Variants in RP1L1 observed in about 807,000 individuals in gnomAD.
RP1L1 encodes the protein retinitis pigmentosa 1-like 1 protein.
A neutral mutation model predicts 15.7 loss-of-function variants in RP1L1; 27 were observed. The ratio of observed to expected loss-of-function variants is 1.72; its 90% CI spans 1.27 to 2.38. The LOEUF (loss-of-function observed/expected upper bound fraction) is 2.38. RP1L1 is among the 30% of genes most tolerant of loss of function. RP1L1 has a pLI of 0.00. For missense variants in RP1L1, 4,798 were observed against 3,075.9 expected (o/e 1.56, Z -13.24); for synonymous variants, 1,813 against 1,276.7 (o/e 1.42, Z -8.96).
At chr8:10,648,354 G>T (rs1231441059) in intron 1 of RP1L1, among the ~76,000 whole-genome samples, 1 of 151,980 alleles carries the variant, frequency 6.6e-6, no homozygotes, top group Non-Finnish European at 1.5e-5. Context: ...TTTTTTGTTT[G>T]TTTGTTTGTT....
chr8:10,654,123 G>C (rs1563144168), intron 1 of RP1L1, among the ~76,000 whole-genome samples: 1 of 152,138 alleles, frequency 6.6e-6, no homozygotes, highest in Non-Finnish European at 1.5e-5. Context: ...CTGCTCACTT[G>C]CCGTTGGAAC....
In RP1L1 at chr8:10,606,834, G is replaced by C; in HGVS notation, c.*61C>G. On this transcript the variant is annotated 3_prime_UTR_variant, in exon 4 of 4. Transcript: ENST00000382483. ...GGACTGAACGTTGCTCAGTTTTGTAGAAAAAATATGAATAAAAACAGAGCT... is the reference window on the plus strand; with the variant it reads ...GGACTGAACGTTGCTCAGTTTTGTACAAAAAATATGAATAAAAACAGAGCT... 6.2e-7 allele frequency: 1 copy of C among 1,609,656 alleles called. No homozygotes were observed. Among genetic ancestry groups the C allele is most frequent in the Middle Eastern group, 1.9e-4 (1 of 5,306 alleles).
intron 1 of RP1L1, among the ~76,000 whole-genome samples, chr8:10,631,733 G>A (rs1397904368): frequency 6.6e-6 from 1 of 152,198 alleles, no homozygotes; most frequent in Non-Finnish European, 1.5e-5. Flanking sequence ...TGCCGCCCGA[G>A]CCTGTGGACA....
intron 1 of RP1L1, among the ~76,000 whole-genome samples, chr8:10,638,513 G>A (rs1009562577): frequency 6.6e-6 from 1 of 152,148 alleles, no homozygotes; most frequent in African/African-American, 2.4e-5. Flanking sequence ...GGAGGCTGAG[G>A]TGGGAGGATT....
Position 10,609,382 on chromosome 8 carries a change from G to A in RP1L1, c.4716C>T (p.Thr1572=), listed in dbSNP as rs747005460. The change falls in exon 4 of 4, where the codon ACC becomes ACT. Residue 1572 remains threonine (T), a synonymous_variant. Transcript: ENST00000382483. ...QDVAQRLQDS[T]KRELQKLQGR... Reference sequence around the variant, plus strand: ...CCTGGAGCTTCTGGAGCTCTCTCTTGGTGCTGTCCTGGAGGCGTTGGGCCA... The same window carrying A: ...CCTGGAGCTTCTGGAGCTCTCTCTTAGTGCTGTCCTGGAGGCGTTGGGCCA... 2.0e-5 allele frequency: 32 copies of A among 1,612,434 alleles called. No homozygotes were observed. Among genetic ancestry groups the A allele is most frequent in the South Asian group, 6.6e-5 (6 of 91,054 alleles).
Position 10,609,778 on chromosome 8 carries a change from C to T in RP1L1, c.4320G>A (p.Glu1440=). 1 of 1,614,022 alleles carries T rather than the reference C, an allele frequency of 6.2e-7. No individual in the cohort carries two copies. The highest frequency in any genetic ancestry group is 1.1e-5 in the South Asian group (1 of 91,082). ...CCTCTGTGCCCTCTGCGGGGCACGGCTCTGCAGAGGCAGAGGCTCTTCCTG... is the reference window on the plus strand; with the variant it reads ...CCTCTGTGCCCTCTGCGGGGCACGGTTCTGCAGAGGCAGAGGCTCTTCCTG... ...EEAGRASASA[E]PCPAEGTEEP... Residue 1440 remains glutamate, a synonymous_variant, in exon 4 of 4, where the codon GAG becomes GAA. Transcript: ENST00000382483.
intron 1 of RP1L1, among the ~76,000 whole-genome samples, chr8:10,634,442 G>C (rs550128714): frequency 6.6e-6 from 1 of 152,226 alleles, no homozygotes; most frequent in East Asian, 1.9e-4. Flanking sequence ...CCGGTTTTCC[G>C]TGATGTGACA....
chr8:10,638,317 A>G (rs1477010676), intron 1 of RP1L1, among the ~76,000 whole-genome samples: 2 of 152,190 alleles, frequency 1.3e-5, no homozygotes, highest in Non-Finnish European at 2.9e-5. Context: ...TTGATGATAA[A>G]AGTACAAACG....
In RP1L1 at chr8:10,606,853, C is replaced by G. The variant is rs1197624154; in HGVS notation, c.*42G>C. The G allele has an allele frequency of 1.2e-6, 2 of 1,612,710 alleles. No individual in the cohort carries two copies. The highest frequency in any genetic ancestry group is 3.3e-5 in the Admixed American group (2 of 59,994). On this transcript the variant is annotated 3_prime_UTR_variant, in exon 4 of 4. Coordinates refer to ENST00000382483, the MANE Select transcript of RP1L1 (RefSeq NM_178857.6). The stretch of plus-strand genomic sequence containing the variant: ...TTTGTAGAAAAAATATGAATAAAAA[C>G]AGAGCTCCCAAGCTCGTGATTGTTT...
At position 10,613,198 on chromosome 8, in the gene RP1L1, C is replaced by CG; in HGVS notation, c.899dup (p.Leu303AlafsTer6). On this transcript the variant is annotated frameshift_variant, in exon 4 of 4. Transcript: ENST00000382483. LOFTEE classifies it low-confidence loss of function (END_TRUNC). ...TGTCATCGCCAGCCACCAGCGGGCC[C>CG]GACTGAGCTGGCGTGTCCTGAGGGT... The CG allele has an allele frequency of 6.2e-7, 1 of 1,613,582 alleles. No individual in the cohort carries two copies. Among genetic ancestry groups the CG allele is most frequent in the East Asian group, 2.2e-5 (1 of 44,878 alleles).
Position 10,612,049 on chromosome 8 carries a change from G to T in RP1L1, c.2049C>A (p.Thr683=). Residue 683 remains threonine, a synonymous_variant, in exon 4 of 4, where the codon ACC becomes ACA. Coordinates refer to ENST00000382483, the MANE Select transcript of RP1L1 (RefSeq NM_178857.6). ...DTHSPLDSSV[T]KQVPRPPERR... ...GCTCAGGAGGCCTCGGCACTTGCTT[G>T]GTTACAGAGGAGTCCAGTGGGCTGT... The T allele has an allele frequency of 6.2e-7, 1 of 1,613,912 alleles. No homozygotes were observed. Among genetic ancestry groups the T allele is most frequent in the Non-Finnish European group, 8.5e-7 (1 of 1,180,038 alleles).
At chr8:10,652,072 A>C (rs1347228404) in intron 1 of RP1L1, among the ~76,000 whole-genome samples, 1 of 152,218 alleles carries the variant, frequency 6.6e-6, no homozygotes. Context: ...GCAATAGGCT[A>C]CAGTATAAGA....
At chr8:10,640,882 C>T (rs766790914) in intron 1 of RP1L1, among the ~76,000 whole-genome samples, 66 of 152,048 alleles carry the variant, frequency 4.3e-4, no homozygotes, top group African/African-American at 1.4e-3. Context: ...GCGATCCTCT[C>T]ACCTCAGCCT....
At chr8:10,633,214 T>C (rs1254671521) in intron 1 of RP1L1, among the ~76,000 whole-genome samples, 1 of 152,186 alleles carries the variant, frequency 6.6e-6, no homozygotes, top group Non-Finnish European at 1.5e-5. Context: ...CCAGGAATGC[T>C]GGCCTCACAA....
chr8:10,606,653 G>T lies in RP1L1; in HGVS notation c.*242C>A. ...AGCCGGGCTGACCTCCGATAACCGG[G>T]CAGATCCGCAGACACCCCCTTTCTT... On this transcript the variant is annotated 3_prime_UTR_variant, in exon 4 of 4. Coordinates refer to ENST00000382483, the MANE Select transcript of RP1L1 (RefSeq NM_178857.6). The T allele has an allele frequency of 1.7e-6, 1 of 600,368 alleles. No individual in the cohort carries two copies. The highest frequency in any genetic ancestry group is 3.3e-5 in the Admixed American group (1 of 30,368). 37.2% of individuals were successfully genotyped at this position (600,368 alleles called of 1,614,324 possible).
At chr8:10,633,362 A>G (rs747199681) in intron 1 of RP1L1, among the ~76,000 whole-genome samples, 2 of 152,184 alleles carry the variant, frequency 1.3e-5, no homozygotes, top group Non-Finnish European at 2.9e-5. Flanking sequence ...GGCAACCCAG[A>G]AAGGCCAGAC....
In RP1L1 at chr8:10,608,900, C is replaced by T. The variant is rs1387570750; in HGVS notation, c.5198G>A (p.Gly1733Glu). The T allele has an allele frequency of 6.2e-7, 1 of 1,613,948 alleles. No homozygotes were observed. The highest frequency in any genetic ancestry group is 1.3e-5 in the African/African-American group (1 of 74,900). Residue 1733 changes from glycine to glutamate, a missense_variant, in exon 4 of 4, where the codon GGG becomes GAG. By Grantham distance (98) the Gly-to-Glu change is moderately conservative (BLOSUM62 -2). Transcript: ENST00000382483. ...VQGAEGGLGPGLSQGPGVDEG... is the reference protein window; with the variant it reads ...VQGAEGGLGPELSQGPGVDEG... ...GTCCACTCCAGGCCCCTGGCTCAGCCCCGGCCCCAGCCCTCCCTCAGCTCC... is the reference window on the plus strand; with the variant it reads ...GTCCACTCCAGGCCCCTGGCTCAGCTCCGGCCCCAGCCCTCCCTCAGCTCC...
intron 1 of RP1L1, among the ~76,000 whole-genome samples, chr8:10,650,177 G>T (rs914812404): frequency 2.0e-5 from 3 of 152,212 alleles, no homozygotes; most frequent in Non-Finnish European, 2.9e-5. Flanking sequence ...GTGATCATGA[G>T]GAGAAAGCCA....
intron 3 of RP1L1, among the ~76,000 whole-genome samples, chr8:10,613,600 C>CAAAAA (rs71203341): frequency 5.5e-4 from 34 of 62,342 alleles, no homozygotes; most frequent in East Asian, 1.4e-3. Flanking sequence ...ACCATCTCTC[C>CAAAAA]AAAAAAAAAA....
Sources: gnomAD v4.1 joint callset for allele counts (sites outside exome capture counted in the v4.1 genomes callset) on GRCh38, gnomAD v4.1.1 for gene constraint, MANE v1.5 for transcripts, NCBI Gene and HGNC (gene_info 2026-07-23, HGNC 2026-07-21) for gene names.